Variants in MALRD1 observed in about 807,000 individuals in gnomAD.
The protein encoded by MALRD1 is MAM and LDL receptor class A domain containing 1.
In MALRD1, 247 loss-of-function variants were observed where a neutral mutation model predicts 242.1. That is an observed-to-expected ratio of 1.02 (90% CI 0.92 to 1.13). The LOEUF (loss-of-function observed/expected upper bound fraction) is 1.13, where lower values mean the gene tolerates loss of function less well. Among genes scored for constraint, MALRD1 ranks in the 50% most tolerant of loss-of-function variants. The pLI, the probability that MALRD1 is intolerant of heterozygous loss-of-function variation, is 0.00. For synonymous variants in MALRD1, 995 were observed against 866.6 expected (o/e 1.15, Z -2.60); for missense variants, 2,989 against 2,533.1 (o/e 1.18, Z -3.86).
At chr10:19,609,526 A>T (rs997851733) in intron 35 of MALRD1, among the ~76,000 whole-genome samples, 1 of 151,970 alleles carries the variant, frequency 6.6e-6, no homozygotes, top group Non-Finnish European at 1.5e-5. Flanking sequence ...TGTAAACCCA[A>T]TCCTTACAGC....
chr10:19,391,809 G>C (rs11009720), intron 28 of MALRD1, among the ~76,000 whole-genome samples: 2 of 152,190 alleles, frequency 1.3e-5, no homozygotes, highest in Non-Finnish European at 2.9e-5. Flanking sequence ...AAAGTCTTGA[G>C]AGCAAGGCAC....
chr10:19,427,190 T>C (rs1391734585), intron 28 of MALRD1, among the ~76,000 whole-genome samples: 1 of 152,210 alleles, frequency 6.6e-6, no homozygotes, highest in East Asian at 1.9e-4. Flanking sequence ...ATCCTTGTTC[T>C]TTGTAAATGT....
rs1564492697 is a variant in MALRD1 at position 19,238,491 on chromosome 10, AATATATAATATAATATATAATGTATATT to A, written c.2992-19180_2992-19153del. Reference sequence around the variant, plus strand: ...ATAATATATAATATACATTATATATAATATATAATATAATATATAATGTATATTATATATAATATACATTATATATAAT... The same window carrying A: ...ATAATATATAATATACATTATATATAATATATAATATACATTATATATAAT... On this transcript the variant is annotated intron_variant, in intron 18 of 39. Coordinates refer to ENST00000454679, the MANE Select transcript of MALRD1 (RefSeq NM_001142308.3). 1.0e-3 allele frequency among the ~76,000 whole-genome samples: 8 copies of A among 8,036 alleles called. 1 individual carries two copies. Among genetic ancestry groups the A allele is most frequent in the East Asian group, 0.011 (2 of 180 alleles). 5.3% of individuals were successfully genotyped at this position (8,036 alleles called of 152,430 possible).
At chr10:19,236,941 C>T (rs1179026782) in intron 18 of MALRD1, among the ~76,000 whole-genome samples, 2 of 151,922 alleles carry the variant, frequency 1.3e-5, no homozygotes, top group Non-Finnish European at 2.9e-5. Context: ...AGCTCCTAAA[C>T]TTTGCATTGG....
At chr10:19,138,657 T>C (rs527867162) in intron 10 of MALRD1, among the ~76,000 whole-genome samples, 2 of 152,244 alleles carry the variant, frequency 1.3e-5, no homozygotes, top group African/African-American at 4.8e-5. Flanking sequence ...TGATCTCAGG[T>C]GATCCACCTG....
chr10:19,342,913 A>C (rs1843948502), intron 24 of MALRD1, among the ~76,000 whole-genome samples: 1 of 152,148 alleles, frequency 6.6e-6, no homozygotes, highest in South Asian at 2.1e-4. Context: ...TTGACAGAGA[A>C]GGAAAAATTA....
chr10:19,539,897 T>C (rs866651729), intron 32 of MALRD1, among the ~76,000 whole-genome samples: 784 of 44,388 alleles, frequency 0.018, 12 homozygotes, highest in African/African-American at 0.038. Flanking sequence ...TGTGTGTGTG[T>C]GCGCGCGCGC....
chr10:19,586,624 T>A (rs928498733), intron 33 of MALRD1, among the ~76,000 whole-genome samples: 3 of 152,222 alleles, frequency 2.0e-5, no homozygotes, highest in African/African-American at 7.2e-5. Context: ...CACTGCTCTC[T>A]TCAAAGCTGT....
At chr10:19,355,408 A>G (rs1036318739) in intron 26 of MALRD1, among the ~76,000 whole-genome samples, 1 of 151,070 alleles carries the variant, frequency 6.6e-6, no homozygotes, top group Non-Finnish European at 1.5e-5. Flanking sequence ...GGTTAATTAT[A>G]TTAAACATTA....
At chr10:19,497,569 T>TA (rs774007485) in intron 30 of MALRD1, among the ~76,000 whole-genome samples, 1 of 152,104 alleles carries the variant, frequency 6.6e-6, no homozygotes, top group Non-Finnish European at 1.5e-5. Context: ...TATCTATTCT[T>TA]ACAGCAAGGC....
chr10:19,479,414 G>A (rs1836887657), intron 29 of MALRD1, among the ~76,000 whole-genome samples: 1 of 152,206 alleles, frequency 6.6e-6, no homozygotes, highest in African/African-American at 2.4e-5. Flanking sequence ...TCGGATGAGA[G>A]AACGTATGGA....
chr10:19,427,231 C>T (rs1038198100), intron 28 of MALRD1, among the ~76,000 whole-genome samples: 28 of 152,166 alleles, frequency 1.8e-4, no homozygotes, highest in Admixed American at 1.8e-3. Context: ...AATTAATCCA[C>T]TATTCATGGG....
chr10:19,661,533 G>A (rs1007335380), intron 36 of MALRD1, among the ~76,000 whole-genome samples: 3 of 152,050 alleles, frequency 2.0e-5, no homozygotes, highest in East Asian at 3.9e-4. Context: ...ACTGTCACAA[G>A]GACAAAAAAC....
chr10:19,586,639 C>G (rs1372517951), intron 33 of MALRD1, among the ~76,000 whole-genome samples: 1 of 152,212 alleles, frequency 6.6e-6, no homozygotes, highest in African/African-American at 2.4e-5. Context: ...AGCTGTCAGA[C>G]AGGGACATTT....
intron 32 of MALRD1, among the ~76,000 whole-genome samples, chr10:19,543,444 T>A (rs1835073762): frequency 6.9e-6 from 1 of 145,104 alleles, no homozygotes; most frequent in African/African-American, 2.6e-5. Context: ...TTTTTTTTTT[T>A]TTTTTTTGAG....
intron 28 of MALRD1, among the ~76,000 whole-genome samples, chr10:19,436,716 C>T (rs1185816750): frequency 6.6e-6 from 1 of 152,100 alleles, no homozygotes; most frequent in Non-Finnish European, 1.5e-5. Flanking sequence ...AATACATTTG[C>T]ATTGATTGGT....
At chr10:19,060,635 G>A (rs1156892707) in intron 1 of MALRD1, among the ~76,000 whole-genome samples, 1 of 152,082 alleles carries the variant, frequency 6.6e-6, no homozygotes, top group East Asian at 1.9e-4. Context: ...ACTATTCAAG[G>A]ACCAATTCTT....
chr10:19,201,571 T>A (rs1836543800), intron 14 of MALRD1, among the ~76,000 whole-genome samples: 1 of 152,196 alleles, frequency 6.6e-6, no homozygotes, highest in South Asian at 2.1e-4. Context: ...CCCTGAATTG[T>A]CTGAAATAAG....
At position 19,198,367 on chromosome 10, in the gene MALRD1, T is replaced by C. The variant is rs140293424; in HGVS notation, c.1952-5361T>C. 5.9e-5 allele frequency among the ~76,000 whole-genome samples: 9 copies of C among 152,338 alleles called. No individual in the cohort carries two copies. The East Asian group carries it at 1.5e-3, about 26-fold the overall frequency. ...ACAGAGAGGTGCCCAGGTAGATAGA[T>C]GTACACATGAAGCAGGCTTGTATCA... On this transcript the variant is annotated intron_variant, in intron 14 of 39. Coordinates refer to ENST00000454679, the MANE Select transcript of MALRD1 (RefSeq NM_001142308.3).
Sources: allele counts gnomAD v4.1 joint callset (sites outside exome capture counted in the v4.1 genomes callset), GRCh38; gene constraint gnomAD v4.1.1; transcripts MANE v1.5; gene names NCBI Gene and HGNC (gene_info 2026-07-23, HGNC 2026-07-21).